The following TTN variants were observed in gnomAD, a reference collection of about 807,000 sequenced individuals.
TTN encodes connectin.
A neutral mutation model predicts 3,223.0 loss-of-function variants in TTN; 1,525 were observed. The observed-to-expected ratio is 0.47, with a 90% CI of 0.45 to 0.49. The LOEUF is 0.49. Ranked by LOEUF, TTN falls within the 20% of genes least tolerant of loss-of-function variation. The pLI, the probability that TTN is intolerant of heterozygous loss-of-function variation, is 0.00. For synonymous variants in TTN, 14,094 were observed against 15,161.0 expected, an observed-to-expected ratio of 0.93 and a Z score of 5.17; for missense variants, 40,786 against 43,424.0, an observed-to-expected ratio of 0.94 and a Z score of 5.40.
Position 178,718,335 on chromosome 2 carries a change from C to T in TTN, c.24771G>A (p.Leu8257=), listed in dbSNP as rs774892211. The T allele has an allele frequency of 6.2e-7, 1 of 1,613,222 alleles. No homozygotes were observed. Residue 8257 remains leucine (L), a synonymous_variant, in exon 85 of 363, where the codon CTG becomes CTA. Transcript: ENST00000589042. ...CTGTCAACACACCTAAGACAGACACCAGAGCTTCACAGATATCTTGACCAG... is the reference window on the plus strand; with the variant it reads ...CTGTCAACACACCTAAGACAGACACTAGAGCTTCACAGATATCTTGACCAG... ...NEAGQDICEA[L]VSVLEPPYFI...
chr2:178,689,344 C>T lies in TTN; in HGVS notation c.31957G>A (p.Glu10653Lys), dbSNP rs1340448389. 2 of 1,613,774 alleles carry T rather than the reference C, an allele frequency of 1.2e-6. No homozygotes were observed. The highest frequency in any genetic ancestry group is 1.3e-5 in the African/African-American group (1 of 75,010). Residue 10653 changes from glutamate (E) to lysine (K), a missense_variant, in exon 124 of 363, where the codon GAA becomes AAA. Glu to Lys is a moderately conservative substitution (Grantham distance 56). Coordinates refer to ENST00000589042, the MANE Select transcript of TTN (RefSeq NM_001267550.2). The stretch of plus-strand genomic sequence containing the variant: ...TTCCGAGGAACAGGTTTCCTTTCTT[C>T]AGGAACTTTCTTCTTTGGTATTTCT... ...VPEIPKKKVP[E>K]ERKPVPRKEE...
At position 178,554,007 on chromosome 2, in the gene TTN, T is replaced by C. The variant is rs1700336824; in HGVS notation, c.89104A>G (p.Ser29702Gly). 1.2e-6 allele frequency: 2 copies of C among 1,613,460 alleles called. No homozygotes were observed. Among genetic ancestry groups the C allele is most frequent in the Non-Finnish European group, 8.5e-7 (1 of 1,179,828 alleles). The change falls in exon 333 of 363, where the codon AGT becomes GGT. Residue 29702 changes from serine to glycine, a missense_variant. Physicochemically the swap from Ser to Gly is moderately conservative, Grantham distance 56. Coordinates refer to ENST00000589042, the MANE Select transcript of TTN (RefSeq NM_001267550.2). Reference protein sequence around the residue: ...RQKVTGLTENSDYQYRVCAVN... With the variant: ...RQKVTGLTENGDYQYRVCAVN... ...GCACAAACTCTGTATTGATAGTCACTGTTTTCTGTGAGTCCTGTTACTTTT... is the reference window on the plus strand; with the variant it reads ...GCACAAACTCTGTATTGATAGTCACCGTTTTCTGTGAGTCCTGTTACTTTT...
At position 178,587,797 on chromosome 2, in the gene TTN, G is replaced by A; in HGVS notation, c.63512C>T (p.Pro21171Leu). 1 of 1,595,434 alleles carries A rather than the reference G, an allele frequency of 6.3e-7. No individual in the cohort carries two copies. Among genetic ancestry groups the A allele is most frequent in the Non-Finnish European group, 8.5e-7 (1 of 1,170,192 alleles). ...EAIKPKEILE[P>L]PEIDLDASMR... ...GCTGGCATCCAAATCAATCTCCGGA[G>A]GTTCTGCAAATGACATTAAGGTCAT... Residue 21171 changes from proline (P) to leucine (L), a missense_variant, in exon 306 of 363, where the codon CCT becomes CTT. Pro to Leu is a moderately conservative substitution (Grantham distance 98, BLOSUM62 -3). Coordinates refer to ENST00000589042, the MANE Select transcript of TTN (RefSeq NM_001267550.2).
At chr2:178,771,509 C>T (rs1213456264) in intron 33 of TTN, 38 bp from the exon 34 acceptor site, 1 of 1,612,984 alleles carries the variant, frequency 6.2e-7, no homozygotes, top group South Asian at 1.1e-5. Context: ...GTCCTTTAAA[C>T]ATATTCACAC....
chr2:178,726,217 G>T, intron 69 of TTN, 171 bp from the exon 70 acceptor site: 1 of 698,068 alleles, frequency 1.4e-6, no homozygotes, highest in Non-Finnish European at 2.1e-6. Flanking sequence ...GCCTTCACAA[G>T]ATAACCAGCT....
chr2:178,555,480 T>C (rs1701028505), intron 330 of TTN: 1 of 240,524 alleles, frequency 4.2e-6, no homozygotes, highest in African/African-American at 2.3e-5. Context: ...CCTTTCACTT[T>C]AGCTTTTCTT....
At chr2:178,785,575 T>C in intron 15 of TTN, 45 bp downstream of exon 15, 1 of 1,612,672 alleles carries the variant, frequency 6.2e-7, no homozygotes, top group Non-Finnish European at 8.5e-7. Flanking sequence ...GGTTAGATAC[T>C]TATTTCCTTT....
In TTN at chr2:178,635,998, T is replaced by C. The variant is rs529917511; in HGVS notation, c.41573A>G (p.Asn13858Ser). 6.2e-7 allele frequency: 1 copy of C among 1,610,180 alleles called. No individual in the cohort carries two copies. The highest frequency in any genetic ancestry group is 1.3e-5 in the African/African-American group (1 of 74,966). Residue 13858 changes from asparagine to serine, a missense_variant, in exon 226 of 363, where the codon AAC becomes AGC. By Grantham distance (46) the Asn-to-Ser change is conservative (BLOSUM62 1). Transcript: ENST00000589042. ...GTYTVTVENA[N>S]NLECSSCVKV... ...TACGCAAGATGAACACTCCAGGTTG[T>C]TGGCGTTTTCCACAGTAACTGTGTA...
At chr2:178,625,207 TTGAGAGTTGGCATTGTTCATGAGCCTC>T in intron 241 of TTN, 39 bp downstream of exon 241, 1 of 1,539,272 alleles carries the variant, frequency 6.5e-7, no homozygotes, top group Non-Finnish European at 8.7e-7. Context: ...ATAAAGATAA[TTGAGAGTTGGCATTGTTCATGAGCCTC>T]TGCCTTATAC....
chr2:178,788,661 C>G (rs1056562857), intron 13 of TTN, among the ~76,000 whole-genome samples: 5 of 151,952 alleles, frequency 3.3e-5, no homozygotes, highest in Admixed American at 2.6e-4. Context: ...GTAAATGGCT[C>G]ATTTGGAGTA....
At chr2:178,651,353 C>T (rs779189417) in intron 207 of TTN, 33 bp from the exon 208 acceptor site, 1 of 1,608,352 alleles carries the variant, frequency 6.2e-7, no homozygotes, top group South Asian at 1.1e-5. Context: ...ACATTAGAAA[C>T]AATCACCAGT....
rs1193444668 is a variant in TTN at position 178,725,977 on chromosome 2, C to T, written c.20345G>A (p.Cys6782Tyr). 2 of 1,609,378 alleles carry T rather than the reference C, an allele frequency of 1.2e-6. No individual in the cohort carries two copies. The highest frequency in any genetic ancestry group is 2.7e-5 in the African/African-American group (2 of 74,770). The change falls in exon 70 of 363, where the codon TGT becomes TAT. Residue 6782 changes from cysteine to tyrosine, a missense_variant. By Grantham distance (194) the Cys-to-Tyr change is radical (BLOSUM62 -2). Coordinates refer to ENST00000589042, the MANE Select transcript of TTN (RefSeq NM_001267550.2). The stretch of plus-strand genomic sequence containing the variant: ...AAACGGTGGTGTTCCCGAAAGTTCA[C>T]ATTCAAGACTGACTTCAGCATTTTT... ...TLKNAEVSLE[C>Y]ELSGTPPFEV...
chr2:178,800,305 C>A (rs1329555540), intron 4 of TTN, 90 bp downstream of exon 4: 6 of 1,530,850 alleles, frequency 3.9e-6, no homozygotes, highest in Non-Finnish European at 5.4e-6. Context: ...CTTCCCAGGG[C>A]TGTGAGAGGT....
Position 178,611,206 on chromosome 2 carries a change from G to A in TTN, c.50923C>T (p.Pro16975Ser). 1 of 1,612,674 alleles carries A rather than the reference G, an allele frequency of 6.2e-7. No homozygotes were observed. Among genetic ancestry groups the A allele is most frequent in the Non-Finnish European group, 8.5e-7 (1 of 1,179,256 alleles). The change falls in exon 270 of 363, where the codon CCT (proline) becomes TCT (serine). Residue 16975 changes from proline to serine, a missense_variant. Physicochemically the swap from Pro to Ser is moderately conservative, Grantham distance 74. Transcript: ENST00000589042. The stretch of plus-strand genomic sequence containing the variant: ...ACTGGGACAGCTCTGAAGGGAACAG[G>A]AATGCTTAACTTTTCACCTTCAATA... ...IVIEGEKLSI[P>S]VPFRAVPVPT...
chr2:178,568,197 A>C lies in TTN; in HGVS notation c.77935T>G (p.Ser25979Ala). Residue 25979 changes from serine to alanine, a missense_variant, in exon 326 of 363, where the codon TCT (serine) becomes GCT (alanine). Physicochemically the swap from Ser to Ala is moderately conservative, Grantham distance 99 (BLOSUM62 1). Transcript: ENST00000589042. Reference protein sequence around the residue: ...NRYGQSFALESDPIVAQYPYK... With the variant: ...NRYGQSFALEADPIVAQYPYK... ...GGATATTGAGCTACAATTGGATCAG[A>C]CTCTAAGGCAAAGCTTTGTCCATAT... 1 of 1,613,392 alleles carries C rather than the reference A, an allele frequency of 6.2e-7. No homozygotes were observed. The highest frequency in any genetic ancestry group is 1.1e-5 in the South Asian group (1 of 91,058).
intron 312 of TTN, 148 bp downstream of exon 312, chr2:178,583,459 T>C: frequency 1.1e-6 from 1 of 942,058 alleles, no homozygotes. Context: ...TTATTATGAT[T>C]CTCCATAATC....
Position 178,723,293 on chromosome 2 carries a change from A to G in TTN, c.21714T>C (p.Asp7238=). The G allele has an allele frequency of 6.2e-7, 1 of 1,613,074 alleles. No individual in the cohort carries two copies. Among genetic ancestry groups the G allele is most frequent in the Non-Finnish European group, 8.5e-7 (1 of 1,179,454 alleles). Reference sequence around the variant, plus strand: ...TGGACTTCCCTGGTTCTACAGAATGATCACTTAATCTCTTCAAAAATGCAG... The same window carrying G: ...TGGACTTCCCTGGTTCTACAGAATGGTCACTTAATCTCTTCAAAAATGCAG... The part of the protein sequence containing the change: ...EPAAFLKRLS[D]HSVEPGKSII... Residue 7238 remains aspartate (D), a synonymous_variant, in exon 75 of 363, where the codon GAT becomes GAC. Coordinates refer to ENST00000589042, the MANE Select transcript of TTN (RefSeq NM_001267550.2).
Position 178,558,431 on chromosome 2 carries a change from C to A in TTN, c.87028G>T (p.Glu29010Ter). The change falls in exon 327 of 363, where the codon GAA becomes TAA. Residue 29010 changes from glutamate (E) to a stop codon, truncating the protein, a stop_gained. Transcript: ENST00000589042. LOFTEE classifies it high-confidence loss of function. ...TCAGCAAACACTCGGAAAAAGTATT[C>A]AGAATTCTCTCTCAGACCGGAAACA... ...HVVSGLRENS[E>*]YFFRVFAENQ... The A allele has an allele frequency of 6.2e-7, 1 of 1,613,768 alleles. No homozygotes were observed. The highest frequency in any genetic ancestry group is 8.5e-7 in the Non-Finnish European group (1 of 1,179,822).
At position 178,723,458 on chromosome 2, in the gene TTN, G is replaced by A. The variant is rs752620885; in HGVS notation, c.21642C>T (p.Asn7214=). 8.4e-5 allele frequency: 135 copies of A among 1,613,078 alleles called. No individual in the cohort carries two copies. The highest frequency in any genetic ancestry group is 3.2e-4 in the Admixed American group (19 of 59,916). Residue 7214 remains asparagine (N), a synonymous_variant, in exon 74 of 363, where the codon AAC becomes AAT. Coordinates refer to ENST00000589042, the MANE Select transcript of TTN (RefSeq NM_001267550.2). ...SGEYTCVVSN[N]AGQASCTTRL... is the part of the protein sequence containing the mutation. ...GGGTAGTGCAAGATGCTTGGCCAGC[G>A]TTGTTAGAAACCACACAGGTGTATT...
Sources: allele counts gnomAD v4.1 joint callset (sites outside exome capture counted in the v4.1 genomes callset), GRCh38; gene constraint gnomAD v4.1.1; transcripts MANE v1.5; gene names NCBI Gene and HGNC (gene_info 2026-07-23, HGNC 2026-07-21).